ATP8B1: variants seen among roughly 807,000 people sequenced by gnomAD.
ATP8B1 encodes ATPase phospholipid transporting 8B1.
Under a neutral mutation model 149.9 loss-of-function variants are expected in ATP8B1, and 80 were observed. The ratio of observed to expected loss-of-function variants is 0.53; its 90% CI spans 0.45 to 0.64. The LOEUF is 0.64. ATP8B1 is among the 30% of genes least tolerant of loss of function. The pLI, the probability that ATP8B1 is intolerant of heterozygous loss-of-function variation, is 0.00. For synonymous variants in ATP8B1, 536 were observed against 562.8 expected, an observed-to-expected ratio of 0.95 and a Z score of 0.67; for missense variants, 1,247 against 1,552.6, an observed-to-expected ratio of 0.80 and a Z score of 3.31.
chr18:57,652,856 A>C, intron 24 of ATP8B1, 127 bp from the exon 25 acceptor site: 1 of 1,161,386 alleles, frequency 8.6e-7, no homozygotes, highest in Non-Finnish European at 1.3e-6. Context: ...AAACTGAACA[A>C]GATAATCGAT....
intron 1 of ATP8B1, among the ~76,000 whole-genome samples, chr18:57,765,516 A>G (rs994448154): frequency 6.6e-6 from 1 of 152,104 alleles, no homozygotes; most frequent in Non-Finnish European, 1.5e-5. Context: ...AAAAATACAA[A>G]AAATTAGCCA....
chr18:57,780,233 T>C (rs1392492769), intron 1 of ATP8B1, among the ~76,000 whole-genome samples: 1 of 152,206 alleles, frequency 6.6e-6, no homozygotes, highest in Non-Finnish European at 1.5e-5. Context: ...CTTGAGTAAA[T>C]CCTTGAAAGG....
chr18:57,782,807 T>C (rs2080369680), intron 1 of ATP8B1, among the ~76,000 whole-genome samples: 1 of 52,926 alleles, frequency 1.9e-5, no homozygotes, highest in Non-Finnish European at 4.9e-5. Context: ...TTGTCTCTTT[T>C]TTTTTTTTTT....
chr18:57,704,387 A>G (rs1020230166), intron 4 of ATP8B1, among the ~76,000 whole-genome samples, 168 bp downstream of exon 4: 4 of 152,238 alleles, frequency 2.6e-5, no homozygotes, highest in African/African-American at 4.8e-5. Context: ...CCCTGTTCAT[A>G]TAACACTGAT....
At chr18:57,761,976 A>C (rs1035978717) in intron 1 of ATP8B1, among the ~76,000 whole-genome samples, 3 of 147,888 alleles carry the variant, frequency 2.0e-5, no homozygotes, top group African/African-American at 7.5e-5. Flanking sequence ...AAGGATTATT[A>C]CTGAATAGTT....
At chr18:57,667,343 C>T in intron 19 of ATP8B1, 176 bp from the exon 20 acceptor site, 1 of 604,620 alleles carries the variant, frequency 1.7e-6, no homozygotes, top group South Asian at 1.9e-5. Flanking sequence ...TCAGCACCAC[C>T]CGCAGCCCCC....
chr18:57,673,972 G>C (rs756037294), intron 16 of ATP8B1, among the ~76,000 whole-genome samples: 7 of 152,028 alleles, frequency 4.6e-5, no homozygotes, highest in Non-Finnish European at 1.0e-4. Flanking sequence ...GTACAGAAGA[G>C]AGCACTCAGA....
At chr18:57,714,157 T>C (rs1913884018) in intron 2 of ATP8B1, among the ~76,000 whole-genome samples, 1 of 152,182 alleles carries the variant, frequency 6.6e-6, no homozygotes, top group Non-Finnish European at 1.5e-5. Context: ...GCACTCCTCA[T>C]AGGCCTGTGG....
Position 57,662,548 on chromosome 18 carries a change from G to A in ATP8B1, c.2353C>T (p.Pro785Ser), listed in dbSNP as rs1433578313. The A allele has an allele frequency of 1.2e-6, 2 of 1,614,132 alleles. No individual in the cohort carries two copies. Among genetic ancestry groups the A allele is most frequent in the Non-Finnish European group, 1.7e-6 (2 of 1,180,020 alleles). ...RGGVYAKFAP[P>S]VQESFFPPGG... ...GGTGGAAAAAAAGATTCCTGCACAG[G>A]AGGTGCAAACTTTGCGTAGACGCCA... Residue 785 changes from proline to serine, a missense_variant, in exon 21 of 28, where the codon CCT becomes TCT. Around this residue, in one of 3 missense-constraint regions of ATP8B1, gnomAD observed 853 missense variants for 1,035.7 expected, o/e 0.82. Transcript: ENST00000648908.
intron 11 of ATP8B1, among the ~76,000 whole-genome samples, 190 bp downstream of exon 11, chr18:57,694,392 C>T (rs1274685569): frequency 2.6e-5 from 4 of 151,946 alleles, no homozygotes; most frequent in African/African-American, 9.7e-5. Context: ...AAAAGTGTGG[C>T]ATTTCTGAGA....
At chr18:57,651,151 C>T (rs1217165329) in intron 26 of ATP8B1, among the ~76,000 whole-genome samples, 4 of 152,264 alleles carry the variant, frequency 2.6e-5, no homozygotes, top group East Asian at 1.9e-4. Flanking sequence ...CTGTTACCCA[C>T]GTTGGAGTGC....
chr18:57,706,212 T>C (rs1913382794), intron 3 of ATP8B1, among the ~76,000 whole-genome samples: 1 of 152,176 alleles, frequency 6.6e-6, no homozygotes, highest in African/African-American at 2.4e-5. Flanking sequence ...GTGCCATCAT[T>C]GTATATTCTT....
intron 2 of ATP8B1, among the ~76,000 whole-genome samples, chr18:57,709,589 G>A (rs1913587803): frequency 6.6e-6 from 1 of 152,274 alleles, no homozygotes; most frequent in East Asian, 1.9e-4. Context: ...TTGGAACAGA[G>A]AACTTTACTG....
chr18:57,723,724 T>G (rs891587094), intron 2 of ATP8B1, among the ~76,000 whole-genome samples: 15 of 126,896 alleles, frequency 1.2e-4, no homozygotes, highest in Admixed American at 2.5e-4. Context: ...ACCAATGACT[T>G]TCTTCACAGA....
intron 1 of ATP8B1, among the ~76,000 whole-genome samples, chr18:57,794,802 AAGAAAG>A (rs776072441): frequency 7.3e-5 from 11 of 150,518 alleles, no homozygotes; most frequent in Admixed American, 1.3e-4. Flanking sequence ...AAAAGAAAGA[AAGAAAG>A]AAAGAAAGAA....
At chr18:57,763,037 T>C (rs1342154016) in intron 1 of ATP8B1, among the ~76,000 whole-genome samples, 1 of 152,226 alleles carries the variant, frequency 6.6e-6, no homozygotes, top group East Asian at 1.9e-4. Context: ...TGAACACACG[T>C]TTTTTGCACT....
intron 3 of ATP8B1, 50 bp downstream of exon 3, chr18:57,706,440 T>G (rs1335294797): frequency 1.3e-6 from 2 of 1,507,590 alleles, no homozygotes; most frequent in East Asian, 2.3e-5. Flanking sequence ...TGCCAGCTAC[T>G]GGAAAAAACT....
chr18:57,777,716 G>C (rs1246717701), intron 1 of ATP8B1, among the ~76,000 whole-genome samples: 1 of 152,162 alleles, frequency 6.6e-6, no homozygotes, highest in East Asian at 1.9e-4. Context: ...TTACAGGCAT[G>C]TGCCACCATG....
chr18:57,729,371 C>T (rs2079738045), intron 2 of ATP8B1, among the ~76,000 whole-genome samples: 1 of 151,976 alleles, frequency 6.6e-6, no homozygotes. Flanking sequence ...GTGCAATTAG[C>T]GGGGAAAGGA....
Sources: allele counts gnomAD v4.1 joint callset (sites outside exome capture counted in the v4.1 genomes callset), GRCh38; gene constraint gnomAD v4.1.1; regional missense constraint gnomAD v4.1.1; transcripts MANE v1.5; gene names NCBI Gene and HGNC (gene_info 2026-07-23, HGNC 2026-07-21).